Variants in CEP70 observed in about 807,000 individuals in gnomAD.
The protein encoded by CEP70 is centrosomal protein 70, also known as centrosomal protein of 70 kDa.
In CEP70, 70 loss-of-function variants were observed where a neutral mutation model predicts 90.9. The ratio of observed to expected loss-of-function variants is 0.77; its 90% confidence interval spans 0.64 to 0.94. The LOEUF (loss-of-function observed/expected upper bound fraction) is 0.94. CEP70 is among the 40% of genes least tolerant of loss of function. The probability of loss-of-function intolerance (pLI) is 0.00; values close to 1 mark genes in which losing one functional copy is unlikely to be tolerated. For synonymous variants in CEP70, 220 were observed against 228.3 expected (o/e 0.96, Z 0.33); for missense variants, 648 against 669.0 (o/e 0.97, Z 0.35).
At chr3:138,498,844 C>T (rs1167900467) in intron 16 of CEP70, among the ~76,000 whole-genome samples, 8 of 151,450 alleles carry the variant, frequency 5.3e-5, no homozygotes, top group African/African-American at 1.2e-4. Context: ...GTCAGGAGTT[C>T]GAGACTAGCC....
At chr3:138,544,454 T>G (rs185869754) in intron 6 of CEP70, among the ~76,000 whole-genome samples, 2 of 151,682 alleles carry the variant, frequency 1.3e-5, no homozygotes, top group African/African-American at 4.8e-5. Context: ...TGGAAAACAG[T>G]ATGGAGGTTC....
At chr3:138,507,159 G>C (rs1425777107) in intron 12 of CEP70, among the ~76,000 whole-genome samples, 1 of 152,078 alleles carries the variant, frequency 6.6e-6, no homozygotes, top group Non-Finnish European at 1.5e-5. Flanking sequence ...AAAGGTGCTT[G>C]GTTCCCATTT....
At chr3:138,573,230 C>T (rs1266122491) in intron 2 of CEP70, among the ~76,000 whole-genome samples, 1 of 151,932 alleles carries the variant, frequency 6.6e-6, no homozygotes, top group Non-Finnish European at 1.5e-5. Context: ...AACCCCCCAC[C>T]ACAGAATGCA....
chr3:138,571,182 A>G, intron 4 of CEP70, 25 bp from the exon 5 acceptor site: 1 of 1,554,028 alleles, frequency 6.4e-7, no homozygotes, highest in East Asian at 2.3e-5. Context: ...TATATAATAC[A>G]GATAGTAAAA....
intron 11 of CEP70, among the ~76,000 whole-genome samples, chr3:138,524,073 T>A: frequency 9.0e-6 from 1 of 111,114 alleles, no homozygotes; most frequent in East Asian, 2.3e-4. Flanking sequence ...TAATGCCACA[T>A]ATCAACAACC....
rs1391062852 is a variant in CEP70, at chr3:138,571,031, C to T, written c.284+3G>A. ...TCAAAAGAAATCTTTTCCATTTTCT[C>T]ACCTAAGCTGTTGATTAGTTTCTAT... On this transcript the variant is annotated splice_donor_region_variant and intron_variant, in intron 5 of 17. Transcript: ENST00000264982. 7 of 1,561,022 alleles carry T rather than the reference C, an allele frequency of 4.5e-6. No homozygotes were observed. Among genetic ancestry groups the T allele is most frequent in the African/African-American group, 1.4e-5 (1 of 72,590 alleles).
In CEP70 at chr3:138,500,185, CCA is replaced by C; in HGVS notation, c.1575_1576del (p.Gly526LysfsTer4). On this transcript the variant is annotated frameshift_variant, in exon 16 of 18. Coordinates refer to ENST00000264982, the MANE Select transcript of CEP70 (RefSeq NM_024491.4). LOFTEE classifies it high-confidence loss of function. ...TTCATTAATCAGCCTACAGAGTTTT[CCA>C]ACAGTGCTTACTAGCACACACAATG... is the stretch of plus-strand genomic sequence containing the variant. 3 of 1,613,742 alleles carry C rather than the reference CCA, an allele frequency of 1.9e-6. 1 individual carries two copies. In the South Asian group the frequency reaches 3.3e-5, roughly 18 times the overall value.
chr3:138,556,231 A>G (rs2039992919), intron 6 of CEP70, among the ~76,000 whole-genome samples: 2 of 152,218 alleles, frequency 1.3e-5, no homozygotes, highest in Admixed American at 1.3e-4. Context: ...ATGCAAAGGC[A>G]TGAGAAAGAT....
chr3:138,529,976 G>A (rs2037662677), intron 8 of CEP70, among the ~76,000 whole-genome samples: 1 of 152,174 alleles, frequency 6.6e-6, no homozygotes, highest in South Asian at 2.1e-4. Context: ...ATTTGAATAA[G>A]TCAATCTCTC....
intron 13 of CEP70, among the ~76,000 whole-genome samples, chr3:138,502,801 GT>G (rs1442851607): frequency 6.6e-6 from 1 of 152,162 alleles, no homozygotes; most frequent in Admixed American, 6.5e-5. Flanking sequence ...ACATTGCCCA[GT>G]TGTGGAGATG....
intron 6 of CEP70, among the ~76,000 whole-genome samples, chr3:138,562,347 A>G (rs1004819051): frequency 2.6e-5 from 4 of 152,164 alleles, no homozygotes; most frequent in African/African-American, 9.7e-5. Context: ...AAGTTCAGAA[A>G]AAAACAGAGA....
chr3:138,519,994 T>C (rs1303047537), intron 11 of CEP70, among the ~76,000 whole-genome samples: 8 of 152,038 alleles, frequency 5.3e-5, no homozygotes, highest in Non-Finnish European at 1.0e-4. Flanking sequence ...GAAGATCTAC[T>C]AAGCAAATGG....
At position 138,578,843 on chromosome 3, in the gene CEP70, C is replaced by T. The variant is rs574707683; in HGVS notation, c.-5-5911G>A. ...AAAATGACTGAACAGAAGCCTCCAC[C>T]GATTGTCCTCCCAACAGGAACACCA... On this transcript the variant is annotated intron_variant, in intron 2 of 17. Coordinates refer to ENST00000264982, the MANE Select transcript of CEP70 (RefSeq NM_024491.4). 5.3e-5 allele frequency among the ~76,000 whole-genome samples: 8 copies of T among 152,296 alleles called. No homozygotes were observed. The South Asian group carries it at 6.2e-4, about 12-fold the overall frequency.
chr3:138,521,220 C>A (rs1224559661), intron 11 of CEP70, among the ~76,000 whole-genome samples: 1 of 152,204 alleles, frequency 6.6e-6, no homozygotes, highest in Non-Finnish European at 1.5e-5. Flanking sequence ...AGCCTCTGCC[C>A]GGCCACCACC....
chr3:138,525,921 A>C (rs2037183628), intron 10 of CEP70, among the ~76,000 whole-genome samples: 1 of 152,150 alleles, frequency 6.6e-6, no homozygotes, highest in Non-Finnish European at 1.5e-5. Flanking sequence ...ATCTTAACTC[A>C]AACTTTATAC....
chr3:138,578,242 C>G (rs979123963), intron 2 of CEP70, among the ~76,000 whole-genome samples: 4 of 152,110 alleles, frequency 2.6e-5, no homozygotes, highest in African/African-American at 9.7e-5. Flanking sequence ...AAGTTATTCT[C>G]ACGAACACTA....
chr3:138,586,484 C>CATAA (rs2042112201), intron 2 of CEP70, among the ~76,000 whole-genome samples: 1 of 152,170 alleles, frequency 6.6e-6, no homozygotes. Flanking sequence ...TAATGGAGTA[C>CATAA]TACTCAGCCA....
chr3:138,543,585 G>T (rs2038936627), intron 6 of CEP70, among the ~76,000 whole-genome samples: 1 of 152,194 alleles, frequency 6.6e-6, no homozygotes, highest in African/African-American at 2.4e-5. Context: ...TGGGAGCACA[G>T]GGTCCCCACT....
rs998269022 is a variant in CEP70 at position 138,496,719 on chromosome 3, A to G, written c.1732+1312T>C. The G allele has an allele frequency of 2.9e-5, 29 of 985,296 alleles. No homozygotes were observed. The African/African-American group carries it at 4.7e-4, about 16-fold the overall frequency. The allele number at this position is 985,296 out of a possible 1,614,324, so 61.0% of individuals were successfully genotyped here. On this transcript the variant is annotated intron_variant, in intron 17 of 17. Transcript: ENST00000264982. ...ACACCTATTAATTAAAAAAACTGTCATGTTTGCCAGATTTAACTTTCCCAA... is the reference window on the plus strand; with the variant it reads ...ACACCTATTAATTAAAAAAACTGTCGTGTTTGCCAGATTTAACTTTCCCAA...
Sources: gnomAD v4.1 joint callset for allele counts (sites outside exome capture counted in the v4.1 genomes callset) on GRCh38, gnomAD v4.1.1 for gene constraint, MANE v1.5 for transcripts, NCBI Gene and HGNC (gene_info 2026-07-23, HGNC 2026-07-21) for gene names.